MYOM3: variants seen among roughly 807,000 people sequenced by gnomAD.
MYOM3 encodes the protein myomesin-3.
In MYOM3, 155 loss-of-function variants were observed where a neutral mutation model predicts 191.7. The observed-to-expected ratio is 0.81, with a 90% CI of 0.71 to 0.92. The LOEUF (loss-of-function observed/expected upper bound fraction) is 0.92. Ranked by LOEUF, MYOM3 falls within the 40% of genes least tolerant of loss-of-function variation. The pLI is 0.00. For synonymous variants in MYOM3, 757 were observed against 762.9 expected (o/e 0.99, Z 0.13); for missense variants, 1,889 against 1,890.6 (o/e 1.00, Z 0.02).
intron 28 of MYOM3, chr1:24,066,733 C>T: frequency 2.2e-6 from 1 of 453,434 alleles, no homozygotes; most frequent in Non-Finnish European, 3.9e-6. Flanking sequence ...CATATAAACC[C>T]TCGTGGGCTC....
At chr1:24,099,080 G>A (rs539970239) in intron 6 of MYOM3, among the ~76,000 whole-genome samples, 1 of 152,270 alleles carries the variant, frequency 6.6e-6, no homozygotes, top group Non-Finnish European at 1.5e-5. Flanking sequence ...TATGAATGAT[G>A]AGTGACACAG....
chr1:24,084,684 G>C (rs1414330057), intron 15 of MYOM3, 45 bp from the exon 16 acceptor site: 1 of 1,539,342 alleles, frequency 6.5e-7, no homozygotes, highest in South Asian at 1.2e-5. Flanking sequence ...TGAGTTACAT[G>C]GGTCTGACAG....
chr1:24,108,416 C>T (rs1644012205), intron 2 of MYOM3, 60 bp downstream of exon 2: 2 of 1,446,542 alleles, frequency 1.4e-6, no homozygotes, highest in Admixed American at 2.7e-5. Context: ...GGGCCTCCCT[C>T]CTCAGACTGG....
At chr1:24,074,409 A>G (rs1277885058) in intron 22 of MYOM3, 140 bp from the exon 23 acceptor site, 2 of 628,520 alleles carry the variant, frequency 3.2e-6, no homozygotes, top group Non-Finnish European at 5.7e-6. Flanking sequence ...AAGCACAGGC[A>G]GCTGCCTCCT....
intron 21 of MYOM3, 143 bp downstream of exon 21, chr1:24,076,016 C>T: frequency 1.6e-6 from 1 of 627,488 alleles, no homozygotes; most frequent in Non-Finnish European, 2.8e-6. Context: ...GGATGATGAC[C>T]CCTCCCTCAG....
intron 5 of MYOM3, among the ~76,000 whole-genome samples, chr1:24,100,793 A>G (rs1371704442): frequency 2.0e-5 from 3 of 152,008 alleles, no homozygotes. Flanking sequence ...AGGTTGAGGC[A>G]GCAGAATGAC....
chr1:24,066,715 C>A (rs2148543361), intron 28 of MYOM3: 1 of 426,198 alleles, frequency 2.3e-6, no homozygotes, highest in East Asian at 3.8e-5. Context: ...CACAGGGATA[C>A]CCCTCAACAT....
At chr1:24,093,489 C>A (rs1387694742) in intron 9 of MYOM3, among the ~76,000 whole-genome samples, 5 of 151,734 alleles carry the variant, frequency 3.3e-5, no homozygotes, top group Admixed American at 2.6e-4. Flanking sequence ...GAGGTGGGAG[C>A]TCAGTAAAGG....
intron 8 of MYOM3, 145 bp from the exon 9 acceptor site, chr1:24,095,135 A>G: frequency 1.1e-6 from 1 of 883,294 alleles, no homozygotes; most frequent in Non-Finnish European, 1.7e-6. Flanking sequence ...TAGGAGGGGA[A>G]GAGACTTATC....
intron 32 of MYOM3, 58 bp from the exon 33 acceptor site, chr1:24,062,167 C>G: frequency 1.3e-6 from 2 of 1,593,006 alleles, no homozygotes; most frequent in Non-Finnish European, 1.7e-6. Context: ...AACAGATACC[C>G]GTGCCCCAAA....
At position 24,090,947 on chromosome 1, in the gene MYOM3, C is replaced by T. The variant is rs781162449; in HGVS notation, c.1282G>A (p.Gly428Arg). The stretch of plus-strand genomic sequence containing the variant: ...CCTTGGATTGGGCACCGACAAGTCC[C>T]TCCGGGGGCCTCATGGCAGGCGATC... Reference protein sequence around the residue: ...EWIACHEAPGGTCRCPIQGLV... With the variant: ...EWIACHEAPGRTCRCPIQGLV... The change falls in exon 12 of 37, where the codon GGG (glycine) becomes AGG (arginine). Residue 428 changes from glycine (G) to arginine (R), a missense_variant. Gly to Arg is a moderately radical substitution (Grantham distance 125). Coordinates refer to ENST00000374434, the MANE Select transcript of MYOM3 (RefSeq NM_152372.4). 3 of 1,614,136 alleles carry T rather than the reference C, an allele frequency of 1.9e-6. No homozygotes were observed. Among genetic ancestry groups the T allele is most frequent in the Non-Finnish European group, 2.5e-6 (3 of 1,180,006 alleles).
Position 24,087,538 on chromosome 1 carries a change from C to T in MYOM3, c.1615-711G>A, listed in dbSNP as rs1034964990. 2.6e-5 allele frequency among the ~76,000 whole-genome samples: 4 copies of T among 152,172 alleles called. No individual in the cohort carries two copies. Among genetic ancestry groups the T allele is most frequent in the Admixed American group, 2.6e-4 (4 of 15,274 alleles). ...TGCTGTTTCCTGAGGGTCCAAGTCC[C>T]ACCTCTGGGCCTTTGCACTTGCTGG... On this transcript the variant is annotated intron_variant, in intron 14 of 36. Transcript: ENST00000374434. The surrounding 1 kb of genome is among the most constrained non-coding windows in gnomAD (Gnocchi z 4.5).
At chr1:24,059,906 T>C (rs542641913) in intron 35 of MYOM3, among the ~76,000 whole-genome samples, 2 of 152,280 alleles carry the variant, frequency 1.3e-5, no homozygotes, top group East Asian at 3.9e-4. Flanking sequence ...GGATGGTGTC[T>C]GTCCAGTGGG....
At chr1:24,075,534 C>T (rs1361418477) in intron 21 of MYOM3, 59 bp from the exon 22 acceptor site, 33 of 1,487,132 alleles carry the variant, frequency 2.2e-5, no homozygotes, top group Non-Finnish European at 2.9e-5. Flanking sequence ...CCAGGTCACA[C>T]CCCTCCCCTG....
intron 23 of MYOM3, 66 bp from the exon 24 acceptor site, chr1:24,072,079 C>T: frequency 6.6e-7 from 1 of 1,513,092 alleles, no homozygotes. Flanking sequence ...GGTGGGGGGC[C>T]CACAGGAGCC....
At chr1:24,074,072 T>G in intron 23 of MYOM3, 88 bp downstream of exon 23, 1 of 971,586 alleles carries the variant, frequency 1.0e-6, no homozygotes, top group Non-Finnish European at 1.6e-6. Context: ...CTTTACTCAT[T>G]TTGGTTGCTT....
chr1:24,086,534 G>T, intron 15 of MYOM3, 110 bp downstream of exon 15: 1 of 1,106,512 alleles, frequency 9.0e-7, no homozygotes, highest in Non-Finnish European at 1.3e-6. Context: ...CTTCATGATG[G>T]GTAGAAGGGA....
rs1643305846 is a variant in MYOM3, at chr1:24,056,703, T to A, written c.*661A>T. The A allele has an allele frequency of 6.6e-6, 1 of 152,532 alleles. No homozygotes were observed. The highest frequency in any genetic ancestry group is 1.5e-5 in the Non-Finnish European group (1 of 68,324). 9.4% of individuals were successfully genotyped at this position (152,532 alleles called of 1,614,324 possible). A position where few individuals can be genotyped will look rare whatever the true frequency, so the allele number is the denominator to read the frequency against. ...GTGTTTTCAAAGCCCTACCTCCCCC[T>A]GTTGGGACGACCCTCTGTCTCCCTC... On this transcript the variant is annotated 3_prime_UTR_variant, in exon 37 of 37. Transcript: ENST00000374434.
intron 29 of MYOM3, among the ~76,000 whole-genome samples, chr1:24,065,315 C>T (rs1643420409): frequency 6.6e-6 from 1 of 152,168 alleles, no homozygotes; most frequent in Non-Finnish European, 1.5e-5. Flanking sequence ...AGCAGCAGGG[C>T]AGAAAAAGGT....
Sources: allele counts gnomAD v4.1 joint callset (sites outside exome capture counted in the v4.1 genomes callset), GRCh38; gene constraint gnomAD v4.1.1; non-coding constraint Gnocchi (gnomAD v3.1); transcripts MANE v1.5; gene names NCBI Gene and HGNC (gene_info 2026-07-23, HGNC 2026-07-21).